NBEA: variants seen among roughly 807,000 people sequenced by gnomAD.
NBEA encodes the protein neurobeachin, also known as lysosomal-trafficking regulator 2.
A neutral mutation model predicts 343.4 loss-of-function variants in NBEA; 44 were observed. That is an observed-to-expected ratio of 0.13 (90% CI 0.10 to 0.16). NBEA has a LOEUF of 0.16. NBEA is among the 10% of genes least tolerant of loss of function. The pLI is 1.00. For synonymous variants in NBEA, 1,175 were observed against 1,238.7 expected (o/e 0.95, Z 1.08); for missense variants, 2,555 against 3,631.3 (o/e 0.70, Z 7.62).
At chr13:35,164,631 C>A in intron 24 of NBEA, 122 bp downstream of exon 24, 1 of 1,050,578 alleles carries the variant, frequency 9.5e-7, no homozygotes, top group African/African-American at 1.6e-5. Context: ...AAATTTTTAA[C>A]CATTTAAATT....
chr13:35,489,886 G>A (rs2076441971), intron 41 of NBEA, among the ~76,000 whole-genome samples: 1 of 151,758 alleles, frequency 6.6e-6, no homozygotes, highest in African/African-American at 2.4e-5. Context: ...GAAATCTGAA[G>A]TTTAAAAAAA....
intron 1 of NBEA, among the ~76,000 whole-genome samples, chr13:34,992,262 A>ATATATATATT (rs1459023833): frequency 8.7e-6 from 1 of 114,364 alleles, no homozygotes; most frequent in African/African-American, 3.9e-5. Flanking sequence ...ATATATATAT[A>ATATATATATT]TTTTTTTTTT....
chr13:35,542,761 A>T (rs2078892755), intron 41 of NBEA, among the ~76,000 whole-genome samples: 1 of 152,120 alleles, frequency 6.6e-6, no homozygotes, highest in South Asian at 2.1e-4. Flanking sequence ...TTACTATTTT[A>T]AAATAAAATT....
intron 17 of NBEA, among the ~76,000 whole-genome samples, chr13:35,132,324 A>T (rs1338222781): frequency 6.6e-6 from 1 of 151,940 alleles, no homozygotes; most frequent in Non-Finnish European, 1.5e-5. Context: ...TGCCCAGCTA[A>T]TTTTTTTGTA....
In NBEA at chr13:35,642,975, G is replaced by A. The variant is rs535446381; in HGVS notation, c.7618-2894G>A. On this transcript the variant is annotated intron_variant, in intron 49 of 58. Coordinates refer to ENST00000379939, the MANE Select transcript of NBEA (RefSeq NM_001385012.1). ...TGTTTTGTGAATAAATAAAGTTAACGTTAAATCTCACTGACCCTTGCAGAC... is the reference window on the plus strand; with the variant it reads ...TGTTTTGTGAATAAATAAAGTTAACATTAAATCTCACTGACCCTTGCAGAC... Among the ~76,000 whole-genome samples, 22 of 151,302 alleles carry A rather than the reference G, an allele frequency of 1.5e-4. 1 individual carries two copies. In the South Asian group the frequency reaches 3.1e-3, roughly 22 times the overall value.
intron 40 of NBEA, among the ~76,000 whole-genome samples, chr13:35,456,544 G>A (rs2046588832): frequency 6.6e-6 from 1 of 151,770 alleles, no homozygotes; most frequent in Non-Finnish European, 1.5e-5. Context: ...CATTGAGATT[G>A]GTATAATTCA....
At chr13:35,452,788 A>G (rs1247357671) in intron 40 of NBEA, among the ~76,000 whole-genome samples, 4 of 152,216 alleles carry the variant, frequency 2.6e-5, no homozygotes, top group African/African-American at 9.6e-5. Flanking sequence ...GTGATTCTAC[A>G]GTGAGCAGAT....
chr13:35,338,318 C>T (rs964296302), intron 36 of NBEA, among the ~76,000 whole-genome samples: 3 of 151,850 alleles, frequency 2.0e-5, no homozygotes, highest in African/African-American at 7.2e-5. Flanking sequence ...GGAATACTTA[C>T]TATAAACCAT....
intron 41 of NBEA, among the ~76,000 whole-genome samples, chr13:35,513,280 G>A (rs1346293060): frequency 6.8e-6 from 1 of 147,730 alleles, no homozygotes; most frequent in East Asian, 2.0e-4. Flanking sequence ...GGAATTACAG[G>A]CGCCTGCCAC....
intron 17 of NBEA, among the ~76,000 whole-genome samples, chr13:35,141,520 C>T (rs1192965977): frequency 6.6e-6 from 1 of 152,178 alleles, no homozygotes; most frequent in Non-Finnish European, 1.5e-5. Flanking sequence ...CCACCTCAGC[C>T]TCTGAAAGTG....
chr13:35,417,997 A>G (rs181919023), intron 38 of NBEA, among the ~76,000 whole-genome samples: 2,106 of 152,012 alleles, frequency 0.014, 41 homozygotes, highest in African/African-American at 0.048. Flanking sequence ...TTATGTAATG[A>G]CCTTCTTTGT....
chr13:35,045,031 G>A lies in NBEA; in HGVS notation c.611G>A (p.Gly204Glu), dbSNP rs1291748919. The A allele has an allele frequency of 1.9e-6, 3 of 1,609,588 alleles. No homozygotes were observed. The highest frequency in any genetic ancestry group is 2.5e-6 in the Non-Finnish European group (3 of 1,177,766). Residue 204 changes from glycine to glutamate, a missense_variant, in exon 3 of 59, where the codon GGA (glycine) becomes GAA (glutamate). By Grantham distance (98) the Gly-to-Glu change is moderately conservative (BLOSUM62 -2). This residue lies in a region of NBEA where 185 missense variants were observed against 290.6 expected (regional missense o/e 0.64). Transcript: ENST00000379939. ...ELKLLFSMLR[G>E]ESGIWPRHAV... ...AAGCTTTTGTTCAGCATGCTTCGAG[G>A]AGAAAGTGGAATCTGGGTAAGCTGT...
At chr13:35,212,000 T>TACACAC (rs3048222) in intron 33 of NBEA, among the ~76,000 whole-genome samples, 120 of 149,728 alleles carry the variant, frequency 8.0e-4, no homozygotes, top group African/African-American at 2.1e-3. Context: ...TGTATACGTG[T>TACACAC]ACACACACAC....
intron 48 of NBEA, among the ~76,000 whole-genome samples, chr13:35,615,468 C>T (rs574323191): frequency 3.9e-5 from 6 of 152,062 alleles, no homozygotes; most frequent in Admixed American, 3.3e-4. Flanking sequence ...CTCACCCTTC[C>T]GAGTAGCTGG....
intron 1 of NBEA, among the ~76,000 whole-genome samples, chr13:34,992,260 A>T (rs868297207): frequency 8.6e-4 from 114 of 132,410 alleles, no homozygotes; most frequent in South Asian, 1.9e-3. Context: ...ATATATATAT[A>T]TATTTTTTTT....
intron 38 of NBEA, among the ~76,000 whole-genome samples, chr13:35,359,285 T>C (rs1383456513): frequency 6.6e-6 from 1 of 152,190 alleles, no homozygotes; most frequent in African/African-American, 2.4e-5. Context: ...TCTTATCTTT[T>C]TTAACACTGC....
chr13:35,570,148 C>T (rs1393826411), intron 45 of NBEA, among the ~76,000 whole-genome samples: 1 of 152,214 alleles, frequency 6.6e-6, no homozygotes, highest in Non-Finnish European at 1.5e-5. Flanking sequence ...ATTCTCCTGC[C>T]TCAGCCTCCC....
chr13:35,097,373 T>C (rs1412206190), intron 10 of NBEA, among the ~76,000 whole-genome samples: 1 of 151,900 alleles, frequency 6.6e-6, no homozygotes. Flanking sequence ...TGAATATAAA[T>C]AGGTAATTTA....
At chr13:35,246,359 C>A (rs901724064) in intron 34 of NBEA, among the ~76,000 whole-genome samples, 10 of 152,072 alleles carry the variant, frequency 6.6e-5, no homozygotes, top group Non-Finnish European at 2.9e-5. Context: ...GTTAAAGACC[C>A]TTGTTTTGTC....
Sources: allele counts gnomAD v4.1 joint callset (sites outside exome capture counted in the v4.1 genomes callset), GRCh38; gene constraint gnomAD v4.1.1; regional missense constraint gnomAD v4.1.1; transcripts MANE v1.5; gene names NCBI Gene and HGNC (gene_info 2026-07-23, HGNC 2026-07-21).